PLCE1: variants seen among roughly 807,000 people sequenced by gnomAD.
PLCE1 encodes the protein 1-phosphatidylinositol 4,5-bisphosphate phosphodiesterase epsilon-1.
PLCE1 carries 119 observed loss-of-function variants against 242.8 expected under a neutral mutation model. That is an observed-to-expected ratio of 0.49 (90% CI 0.42 to 0.57). PLCE1 has a LOEUF of 0.57. Ranked by LOEUF, PLCE1 falls within the 20% of genes least tolerant of loss-of-function variation. PLCE1 has a pLI of 0.00. For synonymous variants in PLCE1, 945 were observed against 1,017.4 expected, an observed-to-expected ratio of 0.93 and a Z score of 1.35; for missense variants, 2,441 against 2,788.8, an observed-to-expected ratio of 0.88 and a Z score of 2.81.
intron 4 of PLCE1, among the ~76,000 whole-genome samples, chr10:94,201,702 A>G (rs1342636067): frequency 6.6e-6 from 1 of 152,050 alleles, no homozygotes; most frequent in African/African-American, 2.4e-5. Context: ...GATGGTCTCG[A>G]TCTCCTGACC....
At chr10:94,240,497 G>A (rs980957386) in intron 7 of PLCE1, among the ~76,000 whole-genome samples, 11 of 152,088 alleles carry the variant, frequency 7.2e-5, no homozygotes, top group Non-Finnish European at 2.9e-5. Context: ...CATTAAAAAC[G>A]CTAGATTTTA....
chr10:94,109,507 C>T (rs1477041745), intron 2 of PLCE1, among the ~76,000 whole-genome samples: 1 of 152,132 alleles, frequency 6.6e-6, no homozygotes, highest in Admixed American at 6.5e-5. Flanking sequence ...ACTTGGGAGG[C>T]TGAGGCAGGA....
chr10:94,085,339 G>A (rs547161531), intron 2 of PLCE1, among the ~76,000 whole-genome samples: 2 of 152,244 alleles, frequency 1.3e-5, no homozygotes, highest in African/African-American at 4.8e-5. Context: ...AAAAGACAAG[G>A]AGGAGGAGGG....
At chr10:94,212,396 A>G (rs1045135341) in intron 4 of PLCE1, among the ~76,000 whole-genome samples, 1 of 152,192 alleles carries the variant, frequency 6.6e-6, no homozygotes, top group Non-Finnish European at 1.5e-5. Context: ...AGCTGGGACT[A>G]CAGGCATCCA....
At chr10:94,204,526 G>A (rs957817682) in intron 4 of PLCE1, among the ~76,000 whole-genome samples, 1 of 152,086 alleles carries the variant, frequency 6.6e-6, no homozygotes, top group Non-Finnish European at 1.5e-5. Flanking sequence ...AAATTAGCCA[G>A]GCGTGGTGGC....
chr10:94,082,923 A>C (rs755453509), intron 2 of PLCE1, among the ~76,000 whole-genome samples: 6 of 152,220 alleles, frequency 3.9e-5, no homozygotes, highest in Non-Finnish European at 5.9e-5. Context: ...AAGCAATTCT[A>C]TGTGAAGCAA....
At chr10:94,007,870 C>A (rs11594479) in intron 1 of PLCE1, among the ~76,000 whole-genome samples, 2 of 150,410 alleles carry the variant, frequency 1.3e-5, no homozygotes, top group Non-Finnish European at 3.0e-5. Flanking sequence ...ATGTTTTGTT[C>A]GATTTATTTT....
At chr10:94,248,755 T>G (rs1052338875) in intron 8 of PLCE1, among the ~76,000 whole-genome samples, 1 of 152,164 alleles carries the variant, frequency 6.6e-6, no homozygotes, top group Non-Finnish European at 1.5e-5. Context: ...TCAGGAAAAT[T>G]CATCAAATAT....
chr10:93,996,633 T>TCTG (rs1175779115), intron 1 of PLCE1, among the ~76,000 whole-genome samples: 1 of 152,244 alleles, frequency 6.6e-6, no homozygotes, highest in Admixed American at 6.5e-5. Context: ...TGTGTTCCTC[T>TCTG]CTGCTCCCTG....
intron 1 of PLCE1, among the ~76,000 whole-genome samples, chr10:94,007,543 A>G (rs558263264): frequency 4.8e-4 from 72 of 149,762 alleles, no homozygotes; most frequent in Non-Finnish European, 1.0e-3. Flanking sequence ...ATTTTTAATT[A>G]CAGAAGTGAT....
chr10:94,217,695 T>C (rs1409252064), intron 4 of PLCE1, among the ~76,000 whole-genome samples: 3 of 152,214 alleles, frequency 2.0e-5, no homozygotes, highest in Admixed American at 2.0e-4. Flanking sequence ...TCTCCCTAGT[T>C]GATTTTAAAA....
At chr10:94,132,528 T>C (rs2046633570) in intron 3 of PLCE1, 69 bp downstream of exon 3, 3 of 1,417,304 alleles carry the variant, frequency 2.1e-6, no homozygotes, top group Non-Finnish European at 3.0e-6. Context: ...TTAAGATTTA[T>C]GTATCTCCTG....
chr10:94,117,238 C>T (rs952765974), intron 2 of PLCE1, among the ~76,000 whole-genome samples: 4 of 152,256 alleles, frequency 2.6e-5, no homozygotes, highest in East Asian at 1.9e-4. Context: ...AAAGGTGACC[C>T]GACTTTTGGG....
chr10:94,261,368 C>T (rs1309646880), intron 13 of PLCE1, among the ~76,000 whole-genome samples: 1 of 152,118 alleles, frequency 6.6e-6, no homozygotes, highest in East Asian at 1.9e-4. Flanking sequence ...TTCCATTTTG[C>T]GGAGGTACTA....
intron 2 of PLCE1, among the ~76,000 whole-genome samples, chr10:94,063,144 G>A (rs150444243): frequency 4.9e-4 from 75 of 152,192 alleles, no homozygotes; most frequent in African/African-American, 1.7e-3. Context: ...TATGCTATGC[G>A]CAAGCTCTGT....
intron 20 of PLCE1, chr10:94,283,215 T>A (rs1564859415): frequency 6.5e-6 from 1 of 153,106 alleles, no homozygotes; most frequent in East Asian, 1.9e-4. Flanking sequence ...CTGTTATGAT[T>A]ATCACTTAGT....
At chr10:94,274,145 T>C (rs77711083) in intron 19 of PLCE1, among the ~76,000 whole-genome samples, 3,534 of 152,104 alleles carry the variant, frequency 0.023, 86 homozygotes, top group African/African-American at 0.066. Flanking sequence ...TAGTTTATGC[T>C]GCTTGGGCCC....
chr10:94,066,623 T>G (rs1286709690), intron 2 of PLCE1, among the ~76,000 whole-genome samples: 1 of 152,120 alleles, frequency 6.6e-6, no homozygotes, highest in African/African-American at 2.4e-5. Context: ...CCCTCACATT[T>G]TAATGCACTA....
At chr10:94,039,305 G>A (rs761630381) in intron 2 of PLCE1, among the ~76,000 whole-genome samples, 1 of 152,078 alleles carries the variant, frequency 6.6e-6, no homozygotes, top group Non-Finnish European at 1.5e-5. Context: ...TTTCAGGAAT[G>A]GCCAGACTGT....
Sources: allele counts gnomAD v4.1 joint callset (sites outside exome capture counted in the v4.1 genomes callset), GRCh38; gene constraint gnomAD v4.1.1; transcripts MANE v1.5; gene names NCBI Gene and HGNC (gene_info 2026-07-23, HGNC 2026-07-21).